SUFU: variants seen among roughly 807,000 people sequenced by gnomAD.
SUFU encodes suppressor of fused homolog.
A neutral mutation model predicts 58.9 loss-of-function variants in SUFU; 7 were observed. The ratio of observed to expected loss-of-function variants is 0.12; its 90% confidence interval spans 0.07 to 0.22. The LOEUF is 0.22. SUFU is among the 10% of genes least tolerant of loss of function. The pLI, the probability that SUFU is intolerant of heterozygous loss-of-function variation, is 1.00. For synonymous variants in SUFU, 232 were observed against 254.8 expected, an observed-to-expected ratio of 0.91 and a Z score of 0.85; for missense variants, 451 against 641.3, an observed-to-expected ratio of 0.70 and a Z score of 3.20.
At chr10:102,591,798 C>T (rs1163687675) in intron 3 of SUFU, among the ~76,000 whole-genome samples, 1 of 152,094 alleles carries the variant, frequency 6.6e-6, no homozygotes, top group Admixed American at 6.5e-5. Context: ...AGACTTAGTA[C>T]CCTGTGGGGT....
intron 3 of SUFU, among the ~76,000 whole-genome samples, chr10:102,560,081 A>AT (rs959144211): frequency 1.1e-4 from 16 of 151,740 alleles, no homozygotes; most frequent in African/African-American, 1.9e-4. Flanking sequence ...GCTAACAGAG[A>AT]TTTTTTTTTG....
At position 102,630,140 on chromosome 10, in the gene SUFU, C is replaced by T; in HGVS notation, c.1440C>T (p.Asp480=). The T allele has an allele frequency of 1.2e-6, 2 of 1,614,206 alleles. No individual in the cohort carries two copies. The highest frequency in any genetic ancestry group is 1.7e-6 in the Non-Finnish European group (2 of 1,180,026). The change falls in exon 12 of 12, where the codon GAC becomes GAT. Residue 480 remains aspartate (D), a synonymous_variant. Transcript: ENST00000369902. ...KVSILPDVVF[D]SPLH ...CCATCCTGCCTGACGTGGTGTTCGA[C>T]AGTCCGCTACACTAGCCTGGGCTGG... is the stretch of plus-strand genomic sequence containing the variant.
At position 102,631,870 on chromosome 10, in the gene SUFU, A is replaced by G. The variant is rs11818043; in HGVS notation, c.*1715A>G. The G allele has an allele frequency of 0.15, 35,635 of 233,234 alleles. 3,990 individuals are homozygous for G. The highest frequency in any genetic ancestry group is 0.45 in the East Asian group (7,521 of 16,574). The allele number at this position is 233,234 out of a possible 1,614,324, so 14.4% of individuals were successfully genotyped here. ...AGTATTTGGGAGAGACTGGCTGCAG[A>G]TCCCCGCCAGCCAAGATGCAAGCCA... On this transcript the variant is annotated 3_prime_UTR_variant, in exon 12 of 12. Coordinates refer to ENST00000369902, the MANE Select transcript of SUFU (RefSeq NM_016169.4).
intron 2 of SUFU, among the ~76,000 whole-genome samples, chr10:102,522,384 A>G (rs1482473557): frequency 6.6e-6 from 1 of 152,086 alleles, no homozygotes; most frequent in Non-Finnish European, 1.5e-5. Context: ...TTTTCCCCTT[A>G]GAACAGTCAA....
chr10:102,579,988 GCCA>G (rs2063256224), intron 3 of SUFU: 2 of 344,034 alleles, frequency 5.8e-6, no homozygotes, highest in South Asian at 2.3e-4. Context: ...GAGCTCCTCA[GCCA>G]CATGTACAGA....
chr10:102,508,246 T>C (rs1004125779), intron 1 of SUFU, among the ~76,000 whole-genome samples: 1 of 152,150 alleles, frequency 6.6e-6, no homozygotes, highest in Non-Finnish European at 1.5e-5. Context: ...AGTGCAGAGA[T>C]TACAGGTGTG....
intron 3 of SUFU, among the ~76,000 whole-genome samples, chr10:102,568,472 C>T (rs1050386543): frequency 3.9e-5 from 6 of 152,084 alleles, no homozygotes; most frequent in African/African-American, 1.4e-4. Flanking sequence ...TGGTTACTAT[C>T]CTTCTAGATA....
At chr10:102,586,565 C>T (rs1238026881) in intron 3 of SUFU, among the ~76,000 whole-genome samples, 7 of 152,050 alleles carry the variant, frequency 4.6e-5, no homozygotes, top group African/African-American at 1.4e-4. Context: ...CCCAGCTACT[C>T]GGGAGGCTGA....
At chr10:102,578,702 G>A (rs1348274265) in intron 3 of SUFU, among the ~76,000 whole-genome samples, 13 of 111,128 alleles carry the variant, frequency 1.2e-4, no homozygotes, top group East Asian at 7.1e-4. Flanking sequence ...GCAAGACTCC[G>A]TTTCAAAAAA....
At chr10:102,544,727 C>T (rs1350704666) in intron 2 of SUFU, among the ~76,000 whole-genome samples, 1 of 152,040 alleles carries the variant, frequency 6.6e-6, no homozygotes, top group Non-Finnish European at 1.5e-5. Context: ...AAAGAATTTC[C>T]ATCATCCCAA....
At chr10:102,536,170 G>A (rs988872671) in intron 2 of SUFU, among the ~76,000 whole-genome samples, 1 of 151,602 alleles carries the variant, frequency 6.6e-6, no homozygotes, top group Non-Finnish European at 1.5e-5. Flanking sequence ...TCACCATGTT[G>A]GCCAGGCTGG....
At chr10:102,574,707 A>G (rs1295712585) in intron 3 of SUFU, among the ~76,000 whole-genome samples, 6 of 152,212 alleles carry the variant, frequency 3.9e-5, no homozygotes, top group Admixed American at 2.0e-4. Context: ...AGCAAGATGA[A>G]CAAAAGATGT....
At chr10:102,582,470 C>T (rs1224073923) in intron 3 of SUFU, among the ~76,000 whole-genome samples, 1 of 152,050 alleles carries the variant, frequency 6.6e-6, no homozygotes, top group African/African-American at 2.4e-5. Context: ...AACTTCAAAC[C>T]ACCATAACTG....
intron 3 of SUFU, among the ~76,000 whole-genome samples, chr10:102,555,916 A>G (rs1471125191): frequency 6.6e-6 from 1 of 152,208 alleles, no homozygotes; most frequent in Non-Finnish European, 1.5e-5. Flanking sequence ...CTACGTACAT[A>G]GTGTTGTAAT....
intron 3 of SUFU, among the ~76,000 whole-genome samples, chr10:102,587,353 C>G (rs899715024): frequency 6.6e-6 from 1 of 152,164 alleles, no homozygotes; most frequent in Admixed American, 6.5e-5. Flanking sequence ...TTCTTTGCAT[C>G]CTCACCAACA....
intron 10 of SUFU, chr10:102,618,979 T>TGTGTGTA: frequency 1.0e-6 from 1 of 999,104 alleles, no homozygotes; most frequent in Non-Finnish European, 1.6e-6. Flanking sequence ...TGTGTGTGTG[T>TGTGTGTA]AATGTTCAAG....
At chr10:102,540,775 G>A (rs549549169) in intron 2 of SUFU, among the ~76,000 whole-genome samples, 11 of 149,940 alleles carry the variant, frequency 7.3e-5, no homozygotes, top group East Asian at 2.0e-4. Flanking sequence ...CAATCCTAGC[G>A]CTCTGGGAGG....
chr10:102,573,069 G>A lies in SUFU; in HGVS notation c.455-19513G>A, dbSNP rs2063178725. On this transcript the variant is annotated intron_variant, in intron 3 of 11. Coordinates refer to ENST00000369902, the MANE Select transcript of SUFU (RefSeq NM_016169.4). ...GGGTACTTGGGCTGCCTCCAGAATCGCAGTGTCTTGGGCCGCTGGAAGGTA... is the reference window on the plus strand; with the variant it reads ...GGGTACTTGGGCTGCCTCCAGAATCACAGTGTCTTGGGCCGCTGGAAGGTA... 4.1e-5 allele frequency: 33 copies of A among 797,030 alleles called. No homozygotes were observed. In the South Asian group the frequency reaches 4.3e-4, roughly 10 times the overall value. The allele number at this position is 797,030 out of a possible 1,614,324, so 49.4% of individuals were successfully genotyped here. A position where few individuals can be genotyped will look rare whatever the true frequency, so the allele number is the denominator to read the frequency against.
intron 8 of SUFU, among the ~76,000 whole-genome samples, chr10:102,600,225 A>G (rs1165767051): frequency 6.6e-6 from 1 of 152,110 alleles, no homozygotes; most frequent in Non-Finnish European, 1.5e-5. Flanking sequence ...GGGCAGCTCT[A>G]GGGAATAGCT....
Sources: gnomAD v4.1 joint callset for allele counts (sites outside exome capture counted in the v4.1 genomes callset) on GRCh38, gnomAD v4.1.1 for gene constraint, MANE v1.5 for transcripts, NCBI Gene and HGNC (gene_info 2026-07-23, HGNC 2026-07-21) for gene names.